Variants in RFTN1 observed in about 807,000 individuals in gnomAD.
RFTN1 encodes the protein raftlin, lipid raft linker 1, also known as raftlin.
A neutral mutation model predicts 46.5 loss-of-function variants in RFTN1; 26 were observed. The observed-to-expected ratio is 0.56, with a 90% CI of 0.41 to 0.78. RFTN1 has a LOEUF of 0.78. Ranked by LOEUF, RFTN1 falls within the 30% of genes least tolerant of loss-of-function variation. The pLI is 0.00. For missense variants in RFTN1, 693 were observed against 718.7 expected (o/e 0.96, Z 0.41); for synonymous variants, 261 against 284.2 (o/e 0.92, Z 0.82).
In RFTN1 at chr3:16,327,816, GCC is replaced by G. The variant is rs1553719497; in HGVS notation, c.1147-942_1147-941del. Among the ~76,000 whole-genome samples the G allele has an allele frequency of 6.6e-6, 1 of 151,332 alleles. No homozygotes were observed. The highest frequency in any genetic ancestry group is 1.5e-5 in the Non-Finnish European group (1 of 67,800). ...AGCCCCCTGCTAGCACAGGGAGAGA[GCC>G]CTGATGTGAGGCCCCTGCACTGGCT... On this transcript the variant is annotated intron_variant, in intron 7 of 9. Coordinates refer to ENST00000334133, the MANE Select transcript of RFTN1 (RefSeq NM_015150.2). This position sits in a 1 kb window ranked among gnomAD's most constrained non-coding sequence, Gnocchi z 4.2.
chr3:16,479,513 C>T lies in RFTN1; in HGVS notation c.145+14212G>A, dbSNP rs2076332499. Among the ~76,000 whole-genome samples, 1 of 152,248 alleles carries T rather than the reference C, an allele frequency of 6.6e-6. No homozygotes were observed. The highest frequency in any genetic ancestry group is 1.5e-5 in the Non-Finnish European group (1 of 68,034). The stretch of plus-strand genomic sequence containing the variant: ...AACATCCTTCTCCCCATTCCTTGCA[C>T]ACCTTTACAGCATTATTCCAGCCTG... On this transcript the variant is annotated intron_variant, in intron 2 of 9. Transcript: ENST00000334133. The surrounding 1 kb of genome is among the most constrained non-coding windows in gnomAD (Gnocchi z 5.1).
chr3:16,419,110 T>C (rs62236347), intron 3 of RFTN1, among the ~76,000 whole-genome samples: 5,868 of 152,236 alleles, frequency 0.039, 153 homozygotes, highest in Middle Eastern at 0.071. Flanking sequence ...GCATGAGTTA[T>C]ATGATGGAAA....
At position 16,475,424 on chromosome 3, in the gene RFTN1, T is replaced by C. The variant is rs2076264469; in HGVS notation, c.145+18301A>G. ...CTTCCTCCAGGAGACACTGCAATGG[T>C]TTTACTGAACTAGAAGTTGAGATTG... On this transcript the variant is annotated intron_variant, in intron 2 of 9. Coordinates refer to ENST00000334133, the MANE Select transcript of RFTN1 (RefSeq NM_015150.2). This position sits in a 1 kb window ranked among gnomAD's most constrained non-coding sequence, Gnocchi z 4.2. 6.6e-6 allele frequency among the ~76,000 whole-genome samples: 1 copy of C among 152,096 alleles called. No individual in the cohort carries two copies. The highest frequency in any genetic ancestry group is 6.5e-5 in the Admixed American group (1 of 15,272).
At position 16,381,336 on chromosome 3, in the gene RFTN1, T is replaced by C. The variant is rs941923684; in HGVS notation, c.442-3234A>G. Among the ~76,000 whole-genome samples, 7 of 152,172 alleles carry C rather than the reference T, an allele frequency of 4.6e-5. No individual in the cohort carries two copies. Among genetic ancestry groups the C allele is most frequent in the African/African-American group, 1.7e-4 (7 of 41,434 alleles). The stretch of plus-strand genomic sequence containing the variant: ...ACTTTTAGAATTGAAAAAGTAAATA[T>C]TGTAAAAATTCCTCATAGAGGATAA... On this transcript the variant is annotated intron_variant, in intron 4 of 9. Transcript: ENST00000334133. This position sits in a 1 kb window ranked among gnomAD's most constrained non-coding sequence, Gnocchi z 4.2.
rs4685335 is a variant in RFTN1 at position 16,407,129 on chromosome 3, C to T, written c.441+2246G>A. On this transcript the variant is annotated intron_variant, in intron 4 of 9. Transcript: ENST00000334133. The surrounding 1 kb of genome is among the most constrained non-coding windows in gnomAD (Gnocchi z 4.0). ...AGACAGGACCACTGCAATGGGTCAG[C>T]CATGCAATAACCTAATTTGGTTAAG... Among the ~76,000 whole-genome samples the T allele has an allele frequency of 0.53, 79,971 of 151,946 alleles. 21,165 individuals carry two copies. Among genetic ancestry groups the T allele is most frequent in the East Asian group, 0.57 (2,939 of 5,172 alleles).
Position 16,410,302 on chromosome 3 carries a change from C to T in RFTN1, c.333-819G>A, listed in dbSNP as rs907212810. On this transcript the variant is annotated intron_variant, in intron 3 of 9. Transcript: ENST00000334133. This position sits in a 1 kb window ranked among gnomAD's most constrained non-coding sequence, Gnocchi z 4.6. ...TGTCTATGTCCCATTGGTTTATATCCGCCAGGGCACAGAAAAAGAACAAGC... is the reference window on the plus strand; with the variant it reads ...TGTCTATGTCCCATTGGTTTATATCTGCCAGGGCACAGAAAAAGAACAAGC... Among the ~76,000 whole-genome samples the T allele has an allele frequency of 2.6e-5, 4 of 151,110 alleles. No individual in the cohort carries two copies. Among genetic ancestry groups the T allele is most frequent in the Non-Finnish European group, 5.9e-5 (4 of 67,924 alleles).
chr3:16,420,813 G>C (rs1040030925), intron 3 of RFTN1, among the ~76,000 whole-genome samples: 5 of 152,178 alleles, frequency 3.3e-5, no homozygotes, highest in Non-Finnish European at 7.3e-5. Flanking sequence ...GCTTAATTCT[G>C]TTCTCAAACT....
intron 5 of RFTN1, among the ~76,000 whole-genome samples, chr3:16,377,207 AGAGG>A (rs2073809033): frequency 6.6e-6 from 1 of 152,040 alleles, no homozygotes; most frequent in Non-Finnish European, 1.5e-5. Flanking sequence ...GACCAAGCAG[AGAGG>A]CGTGAAGGGA....
chr3:16,316,355 C>T lies in RFTN1; in HGVS notation c.*473G>A, dbSNP rs185525991. The T allele has an allele frequency of 1.6e-5, 3 of 186,188 alleles. No homozygotes were observed. The East Asian group carries it at 5.6e-4, about 35-fold the overall frequency. The allele number at this position is 186,188 out of a possible 1,614,324, so 11.5% of individuals were successfully genotyped here. A position where few individuals can be genotyped will look rare whatever the true frequency, so the allele number is the denominator to read the frequency against. On this transcript the variant is annotated 3_prime_UTR_variant, in exon 10 of 10. Transcript: ENST00000334133. The surrounding 1 kb of genome is among the most constrained non-coding windows in gnomAD (Gnocchi z 4.5). ...TCGAAGGGGTTTAGGTGGAGGAGGG[C>T]AGCTGACAGGGCTCCTGGAGTTGTT...
chr3:16,322,333 C>T lies in RFTN1; in HGVS notation c.1332+1043G>A, dbSNP rs956921584. Reference sequence around the variant, plus strand: ...GCACTCCTTCCACAAGTGGGCTCCCCCTGGAGTTGTTGGCTGGTGAGGGGC... The same window carrying T: ...GCACTCCTTCCACAAGTGGGCTCCCTCTGGAGTTGTTGGCTGGTGAGGGGC... On this transcript the variant is annotated intron_variant, in intron 9 of 9. Coordinates refer to ENST00000334133, the MANE Select transcript of RFTN1 (RefSeq NM_015150.2). This position sits in a 1 kb window ranked among gnomAD's most constrained non-coding sequence, Gnocchi z 6.2. Among the ~76,000 whole-genome samples the T allele has an allele frequency of 6.6e-6, 1 of 152,224 alleles. No individual in the cohort carries two copies. Among genetic ancestry groups the T allele is most frequent in the Non-Finnish European group, 1.5e-5 (1 of 68,042 alleles).
Position 16,383,974 on chromosome 3 carries a change from G to T in RFTN1, c.442-5872C>A, listed in dbSNP as rs1047148253. Among the ~76,000 whole-genome samples, 1 of 152,254 alleles carries T rather than the reference G, an allele frequency of 6.6e-6. No homozygotes were observed. The highest frequency in any genetic ancestry group is 2.4e-5 in the African/African-American group (1 of 41,460). ...TTGGTAAAACTCTAGTCTAGATGTT[G>T]CTGTAAAGGTATTTTTTAAATGTGT... On this transcript the variant is annotated intron_variant, in intron 4 of 9. Transcript: ENST00000334133. This position sits in a 1 kb window ranked among gnomAD's most constrained non-coding sequence, Gnocchi z 4.0.
Position 16,504,468 on chromosome 3 carries a change from G to T in RFTN1, c.-9+8974C>A, listed in dbSNP as rs1452738073. On this transcript the variant is annotated intron_variant, in intron 1 of 9. Coordinates refer to ENST00000334133, the MANE Select transcript of RFTN1 (RefSeq NM_015150.2). The surrounding 1 kb of genome is among the most constrained non-coding windows in gnomAD (Gnocchi z 4.4). Reference sequence around the variant, plus strand: ...TGGTACTGTCAGATGTTGATATTGTGAAGTGCCTCAAGCTAGTAGTTAGCG... The same window carrying T: ...TGGTACTGTCAGATGTTGATATTGTTAAGTGCCTCAAGCTAGTAGTTAGCG... 6.6e-6 allele frequency among the ~76,000 whole-genome samples: 1 copy of T among 152,190 alleles called. No homozygotes were observed. Among genetic ancestry groups the T allele is most frequent in the Non-Finnish European group, 1.5e-5 (1 of 68,036 alleles).
intron 2 of RFTN1, among the ~76,000 whole-genome samples, chr3:16,488,362 G>T (rs933056577): frequency 2.6e-5 from 4 of 152,188 alleles, no homozygotes; most frequent in Non-Finnish European, 4.4e-5. Flanking sequence ...GCCTTCCAAA[G>T]TGTTGGGATT....
In RFTN1 at chr3:16,327,800, C is replaced by A. The variant is rs2069875830; in HGVS notation, c.1147-924G>T. 6.6e-6 allele frequency among the ~76,000 whole-genome samples: 1 copy of A among 151,672 alleles called. No individual in the cohort carries two copies. Among genetic ancestry groups the A allele is most frequent in the African/African-American group, 2.4e-5 (1 of 41,266 alleles). Reference sequence around the variant, plus strand: ...AAACGAAAAAAACTTCAGCCCCCTGCTAGCACAGGGAGAGAGCCCTGATGT... The same window carrying A: ...AAACGAAAAAAACTTCAGCCCCCTGATAGCACAGGGAGAGAGCCCTGATGT... On this transcript the variant is annotated intron_variant, in intron 7 of 9. Coordinates refer to ENST00000334133, the MANE Select transcript of RFTN1 (RefSeq NM_015150.2). This position sits in a 1 kb window ranked among gnomAD's most constrained non-coding sequence, Gnocchi z 4.2.
chr3:16,439,771 C>A (rs558517151), intron 2 of RFTN1, among the ~76,000 whole-genome samples: 1 of 152,318 alleles, frequency 6.6e-6, no homozygotes, highest in African/African-American at 2.4e-5. Context: ...AGCCTTCTGC[C>A]TGCCCAGGCA....
In RFTN1 at chr3:16,433,783, T is replaced by G; in HGVS notation, c.332+68A>C. 2.6e-6 allele frequency: 4 copies of G among 1,529,928 alleles called. No individual in the cohort carries two copies. The highest frequency in any genetic ancestry group is 3.6e-6 in the Non-Finnish European group (4 of 1,104,744). The allele number at this position is 1,529,928 out of a possible 1,614,324, so 94.8% of individuals were successfully genotyped here. ...TCAACCCCCAACCCCATCCTCTCAC[T>G]TCCCCTCCTCTATTGAGCATAACTT... On this transcript the variant is annotated intron_variant, in intron 3 of 9. Coordinates refer to ENST00000334133, the MANE Select transcript of RFTN1 (RefSeq NM_015150.2). The surrounding 1 kb of genome is among the most constrained non-coding windows in gnomAD (Gnocchi z 4.4).
chr3:16,454,627 A>G (rs1277119551), intron 2 of RFTN1, among the ~76,000 whole-genome samples: 1 of 152,230 alleles, frequency 6.6e-6, no homozygotes, highest in African/African-American at 2.4e-5. Context: ...ATGGATACAT[A>G]AGACACAAAT....
rs1053871771 is a variant in RFTN1, at chr3:16,434,645, TA to T, written c.146-609del. On this transcript the variant is annotated intron_variant, in intron 2 of 9. Transcript: ENST00000334133. Reference sequence around the variant, plus strand: ...CAATGAAAAAGTCATTTCCACCCTCTAAAAAAAAACACACAGAAATAAAGAA... The same window carrying T: ...CAATGAAAAAGTCATTTCCACCCTCTAAAAAAAACACACAGAAATAAAGAA... The T allele has an allele frequency of 8.2e-5, 12 of 146,392 alleles. No individual in the cohort carries two copies. The East Asian group carries it at 2.0e-3, about 24-fold the overall frequency. 9.1% of individuals were successfully genotyped at this position (146,392 alleles called of 1,614,324 possible).
At chr3:16,393,203 G>C (rs2074390219) in intron 4 of RFTN1, among the ~76,000 whole-genome samples, 1 of 152,206 alleles carries the variant, frequency 6.6e-6, no homozygotes, top group Non-Finnish European at 1.5e-5. Context: ...GTAGGGAGTG[G>C]CAGGAGGCAA....
Sources: gnomAD v4.1 joint callset for allele counts (sites outside exome capture counted in the v4.1 genomes callset) on GRCh38, gnomAD v4.1.1 for gene constraint, Gnocchi (gnomAD v3.1) non-coding constraint, MANE v1.5 for transcripts, NCBI Gene and HGNC (gene_info 2026-07-23, HGNC 2026-07-21) for gene names.